SBK1: variants seen among roughly 807,000 people sequenced by gnomAD.
The protein encoded by SBK1 is serine/threonine-protein kinase SBK1.
A neutral mutation model predicts 24.4 loss-of-function variants in SBK1; 11 were observed. The ratio of observed to expected loss-of-function variants is 0.45; its 90% CI spans 0.28 to 0.75. The LOEUF is 0.75. SBK1 is among the 30% of genes least tolerant of loss of function. The pLI is 0.12. For missense variants in SBK1, 467 were observed against 620.5 expected (o/e 0.75, Z 2.63); for synonymous variants, 308 against 284.4 (o/e 1.08, Z -0.83).
At position 28,319,533 on chromosome 16, in the gene SBK1, C is replaced by T. The variant is rs1444101838; in HGVS notation, c.429+336C>T. 6.6e-6 allele frequency among the ~76,000 whole-genome samples: 1 copy of T among 152,104 alleles called. No homozygotes were observed. The highest frequency in any genetic ancestry group is 2.4e-5 in the African/African-American group (1 of 41,418). The stretch of plus-strand genomic sequence containing the variant: ...CCTGGGAAGGGGCCCTCAGAGGAAG[C>T]GACCCTGGAACCGGGACGGTGGGGG... On this transcript the variant is annotated intron_variant, in intron 3 of 3. Transcript: ENST00000341901. This position sits in a 1 kb window ranked among gnomAD's most constrained non-coding sequence, Gnocchi z 4.0.
chr16:28,272,814 G>T (rs1597011029), intron 1 of SBK1, among the ~76,000 whole-genome samples: 1 of 151,530 alleles, frequency 6.6e-6, no homozygotes, highest in Non-Finnish European at 1.5e-5. Flanking sequence ...TAGAGATAGG[G>T]TTTCACCATA....
At chr16:28,278,861 G>A (rs12921103) in intron 1 of SBK1, among the ~76,000 whole-genome samples, 42,707 of 152,166 alleles carry the variant, frequency 0.28, 7,657 homozygotes, top group Non-Finnish European at 0.41. Flanking sequence ...GTACAGCGAC[G>A]TGGTCCAGGC....
chr16:28,312,254 C>G (rs1419895169), intron 1 of SBK1, among the ~76,000 whole-genome samples: 1 of 152,196 alleles, frequency 6.6e-6, no homozygotes, highest in Admixed American at 6.5e-5. Context: ...CGCGCAGGCC[C>G]CGGGGAGGCC....
chr16:28,271,512 A>T (rs1189263569), intron 1 of SBK1, among the ~76,000 whole-genome samples: 1 of 152,100 alleles, frequency 6.6e-6, no homozygotes, highest in Non-Finnish European at 1.5e-5. Context: ...AGCCAAGATC[A>T]CACCACTGCA....
intron 1 of SBK1, chr16:28,285,731 T>A (rs2044561723): frequency 6.6e-6 from 1 of 152,264 alleles, no homozygotes; most frequent in African/African-American, 2.4e-5. Flanking sequence ...CAGGCTGGTA[T>A]CGAACTCCTG....
intron 1 of SBK1, among the ~76,000 whole-genome samples, chr16:28,315,910 C>T (rs936981594): frequency 3.3e-5 from 5 of 152,164 alleles, no homozygotes; most frequent in East Asian, 1.9e-4. Flanking sequence ...GGATTACAGG[C>T]GTGCATCACC....
chr16:28,321,220 CA>C lies in SBK1; in HGVS notation c.*300del. On this transcript the variant is annotated 3_prime_UTR_variant, in exon 4 of 4. Coordinates refer to ENST00000341901, the MANE Select transcript of SBK1 (RefSeq NM_001024401.3). ...ACACACACACACACACACACACACA[CA>C]CACACACACACACACACGCCAGGAG... 5.8e-6 allele frequency: 1 copy of C among 171,360 alleles called. No individual in the cohort carries two copies. Among genetic ancestry groups the C allele is most frequent in the Non-Finnish European group, 1.2e-5 (1 of 80,520 alleles). 10.6% of individuals were successfully genotyped at this position (171,360 alleles called of 1,614,324 possible).
At chr16:28,265,992 G>A (rs2044425897) in intron 1 of SBK1, among the ~76,000 whole-genome samples, 1 of 151,358 alleles carries the variant, frequency 6.6e-6, no homozygotes, top group African/African-American at 2.4e-5. Flanking sequence ...CAAACATGAA[G>A]CAGTGGAAAC....
chr16:28,277,206 C>G (rs2044498891), intron 1 of SBK1, among the ~76,000 whole-genome samples: 1 of 151,706 alleles, frequency 6.6e-6, no homozygotes, highest in South Asian at 2.1e-4. Flanking sequence ...CTCCTCTGTT[C>G]TCTGAGGTTT....
intron 1 of SBK1, among the ~76,000 whole-genome samples, chr16:28,314,776 C>T (rs1356850643): frequency 6.6e-6 from 1 of 152,108 alleles, no homozygotes; most frequent in African/African-American, 2.4e-5. Flanking sequence ...GTCAAGAGTT[C>T]GAGATCAGCC....
intron 1 of SBK1, among the ~76,000 whole-genome samples, chr16:28,279,335 G>C (rs748534660): frequency 2.6e-4 from 39 of 150,160 alleles, no homozygotes; most frequent in Admixed American, 4.0e-4. Flanking sequence ...AAAGTTCGAG[G>C]CTGCAGTGAG....
At chr16:28,294,405 C>T (rs536325506) in intron 1 of SBK1, among the ~76,000 whole-genome samples, 4 of 152,158 alleles carry the variant, frequency 2.6e-5, no homozygotes, top group East Asian at 1.9e-4. Flanking sequence ...AACTGAGGCT[C>T]GGGAAGGCAG....
At chr16:28,269,056 T>C (rs2044447395) in intron 1 of SBK1, among the ~76,000 whole-genome samples, 1 of 142,158 alleles carries the variant, frequency 7.0e-6, no homozygotes, top group Admixed American at 7.1e-5. Context: ...TTTTTTGAGA[T>C]GGAGTCTTGC....
At chr16:28,279,731 C>T (rs1204824816) in intron 1 of SBK1, among the ~76,000 whole-genome samples, 1 of 152,080 alleles carries the variant, frequency 6.6e-6, no homozygotes, top group South Asian at 2.1e-4. Flanking sequence ...ATTCCCCTGC[C>T]CTCCCCAGGA....
At chr16:28,262,729 G>A (rs1362625406) in intron 1 of SBK1, among the ~76,000 whole-genome samples, 5 of 152,200 alleles carry the variant, frequency 3.3e-5, no homozygotes, top group Admixed American at 6.6e-5. Context: ...GTCAGCAAAC[G>A]CATCACCCAC....
At chr16:28,308,852 A>G (rs150263708) in intron 1 of SBK1, among the ~76,000 whole-genome samples, 1 of 151,122 alleles carries the variant, frequency 6.6e-6, no homozygotes, top group East Asian at 2.0e-4. Context: ...TGGTGTGATC[A>G]TGTCTCACTG....
intron 1 of SBK1, among the ~76,000 whole-genome samples, chr16:28,296,118 A>G (rs1017800091): frequency 1.4e-5 from 2 of 141,744 alleles, no homozygotes; most frequent in Non-Finnish European, 3.0e-5. Flanking sequence ...TTTTTTAGAC[A>G]GAGTCTCGCT....
chr16:28,304,161 G>A (rs2044699289), intron 1 of SBK1, among the ~76,000 whole-genome samples: 2 of 152,204 alleles, frequency 1.3e-5, no homozygotes, highest in African/African-American at 4.8e-5. Context: ...CACGACCCAA[G>A]TGTCTGTCAT....
chr16:28,312,738 G>A (rs541446565), intron 1 of SBK1, among the ~76,000 whole-genome samples: 2 of 152,350 alleles, frequency 1.3e-5, no homozygotes, highest in South Asian at 4.1e-4. Context: ...AGTGGCTCAG[G>A]CCTGTAATCC....
Sources: allele counts gnomAD v4.1 joint callset (sites outside exome capture counted in the v4.1 genomes callset), GRCh38; gene constraint gnomAD v4.1.1; non-coding constraint Gnocchi (gnomAD v3.1); transcripts MANE v1.5; gene names NCBI Gene and HGNC (gene_info 2026-07-23, HGNC 2026-07-21).